The following XKR4 variants were observed in gnomAD, a reference collection of about 807,000 sequenced individuals.
XKR4 encodes XK related 4, also known as XK-related protein 4.
In XKR4, 12 loss-of-function variants were observed where a neutral mutation model predicts 53.9. The observed-to-expected ratio is 0.22, with a 90% confidence interval of 0.14 to 0.36. The LOEUF (loss-of-function observed/expected upper bound fraction) is 0.36, where lower values mean the gene tolerates loss of function less well. Among genes scored for constraint, XKR4 ranks in the 10% least tolerant of loss-of-function variants. The pLI is 1.00. For synonymous variants in XKR4, 354 were observed against 362.4 expected, an observed-to-expected ratio of 0.98 and a Z score of 0.26; for missense variants, 799 against 859.5, an observed-to-expected ratio of 0.93 and a Z score of 0.88.
Position 55,491,693 on chromosome 8 carries a change from G to A in XKR4, c.1007-31588G>A, listed in dbSNP as rs138389784. ...GGGAGAGGAGGGGGAACAGAGTCTC[G>A]CTGTGTTGCCCAGGCTGGCCTGAGA... On this transcript the variant is annotated intron_variant, in intron 2 of 2. Coordinates refer to ENST00000327381, the MANE Select transcript of XKR4 (RefSeq NM_052898.2). Among the ~76,000 whole-genome samples the A allele has an allele frequency of 9.9e-5, 15 of 151,902 alleles. No individual in the cohort carries two copies. In the South Asian group the frequency reaches 1.7e-3, roughly 17 times the overall value.
At chr8:55,410,176 C>T (rs766698116) in intron 2 of XKR4, among the ~76,000 whole-genome samples, 1 of 152,160 alleles carries the variant, frequency 6.6e-6, no homozygotes, top group Non-Finnish European at 1.5e-5. Context: ...TGACTCACCC[C>T]CCTTCTGGCT....
chr8:55,281,431 T>C (rs1462724032), intron 1 of XKR4, among the ~76,000 whole-genome samples: 1 of 152,092 alleles, frequency 6.6e-6, no homozygotes, highest in Non-Finnish European at 1.5e-5. Context: ...TTCATGTGCA[T>C]AGGGAGAGGG....
At chr8:55,244,555 A>G (rs879590956) in intron 1 of XKR4, among the ~76,000 whole-genome samples, 1 of 152,190 alleles carries the variant, frequency 6.6e-6, no homozygotes, top group Non-Finnish European at 1.5e-5. Flanking sequence ...TATGGTAGAA[A>G]TATTTATATT....
At chr8:55,344,121 G>C (rs373069335) in intron 1 of XKR4, among the ~76,000 whole-genome samples, 16 of 152,246 alleles carry the variant, frequency 1.1e-4, no homozygotes, top group South Asian at 1.0e-3. Context: ...AACACCCCAA[G>C]TTGTTATACC....
intron 1 of XKR4, among the ~76,000 whole-genome samples, chr8:55,246,044 G>C (rs1050989006): frequency 4.6e-5 from 7 of 152,242 alleles, no homozygotes; most frequent in Non-Finnish European, 7.3e-5. Flanking sequence ...AGAGATTGCA[G>C]TGAGCCAAGA....
Position 55,120,981 on chromosome 8 carries a change from A to T in XKR4, c.806+17687A>T, listed in dbSNP as rs576148541. On this transcript the variant is annotated intron_variant, in intron 1 of 2. Transcript: ENST00000327381. Reference sequence around the variant, plus strand: ...GAATCATATAGTATGTAGCCTTTGCAGATTGTCTTCTTTCACTTAGCAGTA... The same window carrying T: ...GAATCATATAGTATGTAGCCTTTGCTGATTGTCTTCTTTCACTTAGCAGTA... Among the ~76,000 whole-genome samples the T allele has an allele frequency of 2.6e-5, 4 of 152,286 alleles. No individual in the cohort carries two copies. The South Asian group carries it at 8.3e-4, about 32-fold the overall frequency.
chr8:55,421,622 AT>A (rs1272773688), intron 2 of XKR4, among the ~76,000 whole-genome samples: 1 of 152,178 alleles, frequency 6.6e-6, no homozygotes, highest in East Asian at 1.9e-4. Flanking sequence ...GATGGTAGTT[AT>A]TTAACAAATT....
chr8:55,453,079 G>T, intron 2 of XKR4: 1 of 575,332 alleles, frequency 1.7e-6, no homozygotes, highest in Non-Finnish European at 3.4e-6. Flanking sequence ...CTGATCCTCG[G>T]TGGGCTCCAG....
chr8:55,103,851 G>GTATATA (rs60831330), intron 1 of XKR4, among the ~76,000 whole-genome samples: 90 of 105,956 alleles, frequency 8.5e-4, no homozygotes, highest in Non-Finnish European at 1.1e-3. Flanking sequence ...AAATGACTTT[G>GTATATA]TATATATATA....
At chr8:55,357,949 C>A (rs2129384383) in intron 2 of XKR4, 72 bp downstream of exon 2, 1 of 1,474,260 alleles carries the variant, frequency 6.8e-7, no homozygotes, top group Non-Finnish European at 9.2e-7. Context: ...ATCCGAGGAA[C>A]TGTCCTAATG....
rs1373629585 is a variant in XKR4 at position 55,531,485 on chromosome 8, A to T, written c.*7258A>T. 1 of 152,168 alleles carries T rather than the reference A, an allele frequency of 6.6e-6. No individual in the cohort carries two copies. Among genetic ancestry groups the T allele is most frequent in the East Asian group, 1.9e-4 (1 of 5,206 alleles). The allele number at this position is 152,168 out of a possible 1,614,324, so 9.4% of individuals were successfully genotyped here. On this transcript the variant is annotated 3_prime_UTR_variant, in exon 3 of 3. Coordinates refer to ENST00000327381, the MANE Select transcript of XKR4 (RefSeq NM_052898.2). ...TTAACATATGAAATAATGATGATGA[A>T]CATAAAGTAACAATACAAATACAAA... is the stretch of plus-strand genomic sequence containing the variant.
chr8:55,349,670 T>A (rs1803699705), intron 1 of XKR4, among the ~76,000 whole-genome samples: 1 of 152,164 alleles, frequency 6.6e-6, no homozygotes, highest in Non-Finnish European at 1.5e-5. Flanking sequence ...AAGAGGCTAA[T>A]ACACACCAAC....
At chr8:55,226,847 A>G (rs1380668272) in intron 1 of XKR4, among the ~76,000 whole-genome samples, 1 of 152,078 alleles carries the variant, frequency 6.6e-6, no homozygotes, top group African/African-American at 2.4e-5. Flanking sequence ...GTCTTATCCC[A>G]TTATCCTGTT....
intron 1 of XKR4, chr8:55,142,182 GT>G: frequency 2.2e-6 from 1 of 456,108 alleles, no homozygotes; most frequent in South Asian, 1.5e-5. Flanking sequence ...TGAGCGCTTT[GT>G]CTTCTCCTGC....
chr8:55,232,559 A>T (rs1311800195), intron 1 of XKR4, among the ~76,000 whole-genome samples: 5 of 152,172 alleles, frequency 3.3e-5, no homozygotes, highest in African/African-American at 9.7e-5. Context: ...GAAACATCAA[A>T]TTTTTTAAAT....
rs1352997990 is a variant in XKR4 at position 55,536,239 on chromosome 8, G to A, written c.*12012G>A. The A allele has an allele frequency of 6.6e-6, 1 of 152,150 alleles. No individual in the cohort carries two copies. The highest frequency in any genetic ancestry group is 2.4e-5 in the African/African-American group (1 of 41,428). The allele number at this position is 152,150 out of a possible 1,614,324, so 9.4% of individuals were successfully genotyped here. On this transcript the variant is annotated 3_prime_UTR_variant, in exon 3 of 3. Coordinates refer to ENST00000327381, the MANE Select transcript of XKR4 (RefSeq NM_052898.2). The stretch of plus-strand genomic sequence containing the variant: ...GAATAATTTTCAGAATAATGGAGGT[G>A]GAAAGAAATGAACAGTTAAGCAATT...
At chr8:55,141,529 T>A (rs1585900523) in intron 1 of XKR4, among the ~76,000 whole-genome samples, 1 of 151,282 alleles carries the variant, frequency 6.6e-6, no homozygotes, top group South Asian at 2.1e-4. Context: ...GAGAGAAGAG[T>A]GGGGGAAGGC....
At chr8:55,343,162 T>C (rs1803583083) in intron 1 of XKR4, among the ~76,000 whole-genome samples, 2 of 152,224 alleles carry the variant, frequency 1.3e-5, no homozygotes, top group Non-Finnish European at 2.9e-5. Flanking sequence ...ACTCCTGCCA[T>C]GGTTAGCACA....
chr8:55,235,010 C>T (rs749818455), intron 1 of XKR4, among the ~76,000 whole-genome samples: 1 of 152,194 alleles, frequency 6.6e-6, no homozygotes, highest in Non-Finnish European at 1.5e-5. Context: ...TGGCTTGAAA[C>T]AATAACAACT....
Sources: gnomAD v4.1 joint callset for allele counts (sites outside exome capture counted in the v4.1 genomes callset) on GRCh38, gnomAD v4.1.1 for gene constraint, MANE v1.5 for transcripts, NCBI Gene and HGNC (gene_info 2026-07-23, HGNC 2026-07-21) for gene names.